Variants in PLEKHD1 observed in about 807,000 individuals in gnomAD.
PLEKHD1 encodes the protein pleckstrin homology and coiled-coil domain containing D1.
PLEKHD1 carries 51 observed loss-of-function variants against 69.2 expected under a neutral mutation model. That is an observed-to-expected ratio of 0.74 (90% confidence interval 0.59 to 0.93). PLEKHD1 has a LOEUF of 0.93. Among genes scored for constraint, PLEKHD1 ranks in the 40% least tolerant of loss-of-function variants. The probability of loss-of-function intolerance (pLI) is 0.00; values close to 1 mark genes in which losing one functional copy is unlikely to be tolerated. For synonymous variants in PLEKHD1, 236 were observed against 244.7 expected, an observed-to-expected ratio of 0.96 and a Z score of 0.33; for missense variants, 584 against 641.0, an observed-to-expected ratio of 0.91 and a Z score of 0.96.
chr14:69,501,710 G>A, intron 4 of PLEKHD1, 24 bp from the exon 5 acceptor site: 16 of 1,515,414 alleles, frequency 1.1e-5, no homozygotes, highest in Non-Finnish European at 1.4e-5. Flanking sequence ...TCTCTCCTCT[G>A]TCCCATCTGC....
chr14:69,503,690 C>CAAAAAAAAAAAAA, intron 6 of PLEKHD1: 1 of 45,988 alleles, frequency 2.2e-5, no homozygotes, highest in Non-Finnish European at 4.5e-5. Flanking sequence ...GACTCCGTCT[C>CAAAAAAAAAAAAA]AAAAAAAAAA....
chr14:69,517,624 C>T (rs1352101973), intron 6 of PLEKHD1, among the ~76,000 whole-genome samples: 1 of 152,250 alleles, frequency 6.6e-6, no homozygotes, highest in African/African-American at 2.4e-5. Context: ...GCTTAATAAA[C>T]GATAGCCACT....
chr14:69,482,375 C>T (rs1231191884), upstream of PLEKHD1, among the ~76,000 whole-genome samples: 1 of 152,202 alleles, frequency 6.6e-6, no homozygotes, highest in Non-Finnish European at 1.5e-5. Flanking sequence ...TGCAACTGAC[C>T]TGACTCAGCA....
At chr14:69,513,896 A>C (rs1883325292) in intron 6 of PLEKHD1, among the ~76,000 whole-genome samples, 1 of 152,140 alleles carries the variant, frequency 6.6e-6, no homozygotes, top group South Asian at 2.1e-4. Context: ...TTCTCTCAAT[A>C]CTTTAAATAT....
At chr14:69,514,252 G>GT (rs562045103) in intron 6 of PLEKHD1, among the ~76,000 whole-genome samples, 5,099 of 140,252 alleles carry the variant, frequency 0.036, 216 homozygotes, top group African/African-American at 0.11. Flanking sequence ...TCTGCTCTGG[G>GT]TTTTTTTTTT....
upstream of PLEKHD1, among the ~76,000 whole-genome samples, chr14:69,483,553 G>A (rs1161733430): frequency 6.6e-6 from 1 of 152,058 alleles, no homozygotes; most frequent in Non-Finnish European, 1.5e-5. Flanking sequence ...CTTTGGGTGG[G>A]GTTACATCTT....
intron 1 of PLEKHD1, among the ~76,000 whole-genome samples, chr14:69,487,240 G>A (rs1021929592): frequency 5.3e-5 from 8 of 150,380 alleles, no homozygotes; most frequent in African/African-American, 2.0e-4. Flanking sequence ...TTAGTCTTGG[G>A]TCAGTGACAG....
Position 69,528,672 on chromosome 14 carries a change from C to T in PLEKHD1, c.*253C>T. On this transcript the variant is annotated 3_prime_UTR_variant, in exon 13 of 13. Coordinates refer to ENST00000322564, the MANE Select transcript of PLEKHD1 (RefSeq NM_001161498.2). Reference sequence around the variant, plus strand: ...CAGGCCTGAGCTGGGTGCTGGTTGTCATGGTGAGGTGAGGACAGGACCTGG... The same window carrying T: ...CAGGCCTGAGCTGGGTGCTGGTTGTTATGGTGAGGTGAGGACAGGACCTGG... The T allele has an allele frequency of 1.8e-6, 1 of 545,376 alleles. No individual in the cohort carries two copies. 33.8% of individuals were successfully genotyped at this position (545,376 alleles called of 1,614,324 possible).
chr14:69,506,680 C>T (rs1483737119), intron 6 of PLEKHD1, among the ~76,000 whole-genome samples: 1 of 152,136 alleles, frequency 6.6e-6, no homozygotes, highest in African/African-American at 2.4e-5. Flanking sequence ...TATCCAGCAC[C>T]ACAGTGATAC....
At chr14:69,521,887 C>T (rs986112119) in intron 6 of PLEKHD1, among the ~76,000 whole-genome samples, 2 of 152,126 alleles carry the variant, frequency 1.3e-5, no homozygotes, top group South Asian at 4.2e-4. Context: ...CCAGGGATCT[C>T]GAATGGAAAT....
intron 6 of PLEKHD1, among the ~76,000 whole-genome samples, chr14:69,520,166 CAAAAAAAA>C (rs761343645): frequency 4.9e-4 from 10 of 20,512 alleles, no homozygotes; most frequent in East Asian, 3.8e-3. Flanking sequence ...GACTCTGTCT[CAAAAAAAA>C]AAAAAAAAAA....
the PLEKHD1 span, among the ~76,000 whole-genome samples, chr14:69,473,728 C>T: frequency 6.6e-6 from 1 of 152,116 alleles, no homozygotes; most frequent in African/African-American, 2.4e-5. Flanking sequence ...AATTCAGGAG[C>T]CATCAGAGGA....
intron 6 of PLEKHD1, among the ~76,000 whole-genome samples, chr14:69,519,647 C>T (rs911187690): frequency 1.3e-5 from 2 of 152,172 alleles, no homozygotes; most frequent in African/African-American, 2.4e-5. Flanking sequence ...GATCTGCTGG[C>T]GTCACGAGGC....
At chr14:69,520,739 G>A (rs576837947) in intron 6 of PLEKHD1, among the ~76,000 whole-genome samples, 1 of 152,058 alleles carries the variant, frequency 6.6e-6, no homozygotes, top group Non-Finnish European at 1.5e-5. Context: ...AAGAAAAAAA[G>A]AATACAATTT....
intron 6 of PLEKHD1, among the ~76,000 whole-genome samples, chr14:69,516,148 A>G (rs965144121): frequency 6.6e-6 from 1 of 152,216 alleles, no homozygotes; most frequent in African/African-American, 2.4e-5. Flanking sequence ...ACTTATTAGA[A>G]TAAAGTGACA....
At chr14:69,522,217 G>C in intron 6 of PLEKHD1, 66 bp from the exon 7 acceptor site, 5 of 1,429,148 alleles carry the variant, frequency 3.5e-6, no homozygotes, top group Non-Finnish European at 4.8e-6. Flanking sequence ...GGGATAGAGT[G>C]GGGGATCCTG....
intron 1 of PLEKHD1, among the ~76,000 whole-genome samples, chr14:69,493,666 C>T (rs1882824889): frequency 6.6e-6 from 1 of 152,230 alleles, no homozygotes; most frequent in African/African-American, 2.4e-5. Context: ...TACCTCTCCT[C>T]AAAGATTACC....
chr14:69,509,941 A>T (rs559982907), intron 6 of PLEKHD1, among the ~76,000 whole-genome samples: 2 of 152,304 alleles, frequency 1.3e-5, no homozygotes, highest in East Asian at 3.9e-4. Flanking sequence ...CCATCTCAAA[A>T]AAAAAAAAGA....
the PLEKHD1 span, among the ~76,000 whole-genome samples, chr14:69,474,597 C>G: frequency 7.9e-5 from 12 of 152,260 alleles, no homozygotes; most frequent in African/African-American, 2.9e-4. Flanking sequence ...TAACCTCTGC[C>G]TTTAGAAAGT....
Sources: gnomAD v4.1 joint callset for allele counts (sites outside exome capture counted in the v4.1 genomes callset) on GRCh38, gnomAD v4.1.1 for gene constraint, MANE v1.5 for transcripts, NCBI Gene and HGNC (gene_info 2026-07-23, HGNC 2026-07-21) for gene names.